ATP8A2: variants seen among roughly 807,000 people sequenced by gnomAD.
The protein encoded by ATP8A2 is ATPase phospholipid transporting 8A2.
Under a neutral mutation model 165.6 loss-of-function variants are expected in ATP8A2, and 100 were observed. The observed-to-expected ratio is 0.60, with a 90% CI of 0.51 to 0.71. The LOEUF is 0.71. Ranked by LOEUF, ATP8A2 falls within the 30% of genes least tolerant of loss-of-function variation. The pLI is 0.00. For synonymous variants in ATP8A2, 543 were observed against 548.8 expected (o/e 0.99, Z 0.15); for missense variants, 1,227 against 1,479.5 (o/e 0.83, Z 2.80).
At chr13:25,571,824 G>A (rs1182292012) in intron 18 of ATP8A2, 132 bp downstream of exon 18, 3 of 819,836 alleles carry the variant, frequency 3.7e-6, no homozygotes, top group African/African-American at 3.3e-5. Flanking sequence ...GTGACAAACT[G>A]GAGTTAATGT....
rs528617073 is a variant in ATP8A2 at position 25,597,540 on chromosome 13, C to T, written c.2211+7841C>T. Among the ~76,000 whole-genome samples the T allele has an allele frequency of 2.0e-5, 3 of 152,272 alleles. No homozygotes were observed. In the South Asian group the frequency reaches 6.2e-4, roughly 32 times the overall value. ...ACAGCCTCTAGTAGCTGAGAGTGGC[C>T]AAGCCTACAGCCAGCAAGAAAATGG... On this transcript the variant is annotated intron_variant, in intron 24 of 36. Coordinates refer to ENST00000381655, the MANE Select transcript of ATP8A2 (RefSeq NM_016529.6).
intron 33 of ATP8A2, among the ~76,000 whole-genome samples, chr13:25,961,155 C>T (rs756430940): frequency 9.2e-5 from 14 of 152,170 alleles, no homozygotes; most frequent in African/African-American, 3.4e-4. Context: ...GTAGCGATGA[C>T]ATGGGTCCTG....
intron 35 of ATP8A2, among the ~76,000 whole-genome samples, chr13:26,001,293 A>G (rs1410199065): frequency 6.6e-6 from 1 of 152,174 alleles, no homozygotes; most frequent in African/African-American, 2.4e-5. Flanking sequence ...GTTGGTGGAC[A>G]TTTGGGTCGT....
chr13:25,839,446 C>T (rs990579033), intron 29 of ATP8A2, 100 bp from the exon 30 acceptor site: 9 of 812,640 alleles, frequency 1.1e-5, no homozygotes, highest in East Asian at 4.9e-5. Context: ...AACCGTGCAG[C>T]GCACGGCCAG....
At chr13:25,975,276 T>C (rs181433994) in intron 35 of ATP8A2, among the ~76,000 whole-genome samples, 31 of 152,310 alleles carry the variant, frequency 2.0e-4, no homozygotes, top group Non-Finnish European at 3.2e-4. Context: ...ACACTCATTT[T>C]AAAAGTTTTA....
intron 13 of ATP8A2, among the ~76,000 whole-genome samples, chr13:25,557,955 T>TTGCAATGG (rs2039030239): frequency 6.6e-6 from 1 of 152,106 alleles, no homozygotes; most frequent in Non-Finnish European, 1.5e-5. Context: ...CCAGGCTGGA[T>TTGCAATGG]TGCAATGGTG....
intron 16 of ATP8A2, among the ~76,000 whole-genome samples, chr13:25,565,768 A>AT (rs36050048): frequency 0.67 from 100,298 of 150,570 alleles, 34,342 homozygotes; most frequent in Middle Eastern, 0.72. Context: ...TTTTTATCAC[A>AT]TTTTTTTTTA....
At chr13:25,751,472 A>G (rs1331490493) in intron 25 of ATP8A2, among the ~76,000 whole-genome samples, 1 of 151,952 alleles carries the variant, frequency 6.6e-6, no homozygotes, top group Non-Finnish European at 1.5e-5. Context: ...CTTTTAAGAG[A>G]CAGGGTCTCA....
chr13:25,772,520 G>A (rs543097310), intron 26 of ATP8A2, among the ~76,000 whole-genome samples: 53 of 151,978 alleles, frequency 3.5e-4, no homozygotes, highest in Admixed American at 2.4e-3. Flanking sequence ...CTGCCACTTC[G>A]AAGCGATGAT....
intron 24 of ATP8A2, among the ~76,000 whole-genome samples, chr13:25,683,811 G>A (rs75753473): frequency 0.011 from 1,733 of 152,098 alleles, 32 homozygotes; most frequent in African/African-American, 0.039. Context: ...AATATCGTTA[G>A]GTGGGGACAG....
intron 24 of ATP8A2, among the ~76,000 whole-genome samples, chr13:25,692,239 G>A (rs553136287): frequency 1.1e-4 from 16 of 152,344 alleles, no homozygotes; most frequent in African/African-American, 3.8e-4. Context: ...GGAGAAGGGA[G>A]TCTGCTCTGG....
intron 33 of ATP8A2, among the ~76,000 whole-genome samples, chr13:25,945,325 T>C (rs558519692): frequency 6.6e-6 from 1 of 152,292 alleles, no homozygotes; most frequent in Admixed American, 6.5e-5. Flanking sequence ...TTTCTTCATC[T>C]TTGTGTCTCT....
chr13:25,968,243 A>G (rs888776800), intron 34 of ATP8A2, among the ~76,000 whole-genome samples: 2 of 152,194 alleles, frequency 1.3e-5, no homozygotes, highest in Non-Finnish European at 2.9e-5. Flanking sequence ...TCAGTTCCTG[A>G]CAAGAAATGC....
intron 24 of ATP8A2, among the ~76,000 whole-genome samples, chr13:25,660,940 G>A (rs78050707): frequency 0.034 from 5,227 of 152,216 alleles, 153 homozygotes; most frequent in East Asian, 0.13. Flanking sequence ...GATGGTCATG[G>A]AATGGAGAAG....
At chr13:25,615,825 C>T (rs1432176586) in intron 24 of ATP8A2, among the ~76,000 whole-genome samples, 1 of 152,130 alleles carries the variant, frequency 6.6e-6, no homozygotes, top group East Asian at 1.9e-4. Context: ...TTCAGGTTCC[C>T]CTGTGGTTCA....
intron 1 of ATP8A2, among the ~76,000 whole-genome samples, chr13:25,395,273 T>G (rs1465280861): frequency 6.6e-6 from 1 of 151,996 alleles, no homozygotes; most frequent in Non-Finnish European, 1.5e-5. Context: ...TCCACTTAGT[T>G]ACCAAAGCCA....
In ATP8A2 at chr13:25,661,256, A is replaced by G. The variant is rs372290192; in HGVS notation, c.2212-37917A>G. Among the ~76,000 whole-genome samples the G allele has an allele frequency of 3.9e-3, 594 of 152,210 alleles. 6 individuals are homozygous for G. The highest frequency in any genetic ancestry group is 0.014 in the African/African-American group (564 of 41,544). ...ACCATCTGTTCTACTACTCTTCCAC[A>G]CCCAAAAAACCTGCCACTGCCGAGG... On this transcript the variant is annotated intron_variant, in intron 24 of 36. Coordinates refer to ENST00000381655, the MANE Select transcript of ATP8A2 (RefSeq NM_016529.6).
intron 2 of ATP8A2, among the ~76,000 whole-genome samples, chr13:25,521,051 T>G: frequency 6.6e-6 from 1 of 152,218 alleles, no homozygotes; most frequent in East Asian, 1.9e-4. Flanking sequence ...TTTTTTATAA[T>G]AGCCATTTAC....
chr13:25,751,692 C>T (rs562244575), intron 25 of ATP8A2, among the ~76,000 whole-genome samples: 1 of 152,126 alleles, frequency 6.6e-6, no homozygotes, highest in Non-Finnish European at 1.5e-5. Context: ...CACCTAAGCC[C>T]AGGAGTTTGG....
Sources: allele counts gnomAD v4.1 joint callset (sites outside exome capture counted in the v4.1 genomes callset), GRCh38; gene constraint gnomAD v4.1.1; transcripts MANE v1.5; gene names NCBI Gene and HGNC (gene_info 2026-07-23, HGNC 2026-07-21).